The following CCDC191 variants were observed in gnomAD, a reference collection of about 807,000 sequenced individuals.
CCDC191 encodes coiled-coil domain-containing protein 191.
Under a neutral mutation model 114.0 loss-of-function variants are expected in CCDC191, and 99 were observed. The ratio of observed to expected loss-of-function variants is 0.87; its 90% CI spans 0.74 to 1.03. The LOEUF (loss-of-function observed/expected upper bound fraction) is 1.03, where lower values mean the gene tolerates loss of function less well. Ranked by LOEUF, CCDC191 falls within the 50% of genes least tolerant of loss-of-function variation. The pLI, the probability that CCDC191 is intolerant of heterozygous loss-of-function variation, is 0.00. For missense variants in CCDC191, 973 were observed against 1,087.0 expected (o/e 0.90, Z 1.47); for synonymous variants, 351 against 376.0 (o/e 0.93, Z 0.77).
In CCDC191 at chr3:114,042,397, T is replaced by C. The variant is rs193195243; in HGVS notation, c.415+306A>G. On this transcript the variant is annotated intron_variant, in intron 4 of 16. Coordinates refer to ENST00000295878, the MANE Select transcript of CCDC191 (RefSeq NM_020817.2). ...AGATGATTTAAAGTATGCGAGAGGA[T>C]ACGCACAAGACTAGAACATCTGAGG... Among the ~76,000 whole-genome samples the C allele has an allele frequency of 2.5e-3, 374 of 152,334 alleles. 3 individuals carry two copies. Among genetic ancestry groups the C allele is most frequent in the African/African-American group, 8.1e-3 (335 of 41,586 alleles).
chr3:114,055,058 C>T (rs988279065), intron 1 of CCDC191, among the ~76,000 whole-genome samples: 3 of 151,914 alleles, frequency 2.0e-5, no homozygotes, highest in Admixed American at 6.6e-5. Context: ...AACTAGCATA[C>T]TGACACATGG....
chr3:114,002,582 AAT>A, intron 11 of CCDC191, 44 bp from the exon 12 acceptor site: 1 of 1,463,808 alleles, frequency 6.8e-7, no homozygotes, highest in Non-Finnish European at 9.3e-7. Context: ...ATATTGAAAA[AAT>A]ATGAGGAATA....
At position 114,010,808 on chromosome 3, in the gene CCDC191, T is replaced by C. The variant is rs372716725; in HGVS notation, c.1377A>G (p.Ala459=). The change falls in exon 9 of 17, where the codon GCA becomes GCG. Residue 459 remains alanine, a synonymous_variant. Transcript: ENST00000295878. ...GLSGISLPEE[A]TAMVGPPVKN... ...TTACTGGTGGACCCACCATGGCTGT[T>C]GCCTCCTCAGGTAGACTGATGCCTG... is the stretch of plus-strand genomic sequence containing the variant. 2.2e-5 allele frequency: 36 copies of C among 1,613,692 alleles called. No homozygotes were observed. Among genetic ancestry groups the C allele is most frequent in the Non-Finnish European group, 2.5e-5 (30 of 1,179,746 alleles).
chr3:113,977,197 T>A (rs1390125661), intron 16 of CCDC191, among the ~76,000 whole-genome samples: 1 of 152,204 alleles, frequency 6.6e-6, no homozygotes. Flanking sequence ...CTTGGCGGGC[T>A]GAGGCATGAG....
rs754423929 is a variant in CCDC191 at position 114,010,829 on chromosome 3, G to A, written c.1356C>T (p.Gly452=). Residue 452 remains glycine, a synonymous_variant, in exon 9 of 17, where the codon GGC becomes GGT. Coordinates refer to ENST00000295878, the MANE Select transcript of CCDC191 (RefSeq NM_020817.2). The part of the protein sequence containing the change: ...LGKLSANGLS[G]ISLPEEATAM... ...CTGTTGCCTCCTCAGGTAGACTGAT[G>A]CCTGATAACCCATTGGCACTGAGTT... 1.1e-5 allele frequency: 18 copies of A among 1,613,830 alleles called. No homozygotes were observed. Among genetic ancestry groups the A allele is most frequent in the Non-Finnish European group, 1.5e-5 (18 of 1,179,800 alleles).
chr3:113,975,230 A>C (rs1941219918), intron 16 of CCDC191, among the ~76,000 whole-genome samples: 1 of 152,206 alleles, frequency 6.6e-6, no homozygotes. Flanking sequence ...ATTATCCGGA[A>C]GTGATACAGA....
rs577190432 is a variant in CCDC191, at chr3:114,002,617, T to C, written c.1979-79A>G. On this transcript the variant is annotated intron_variant, in intron 11 of 16. Coordinates refer to ENST00000295878, the MANE Select transcript of CCDC191 (RefSeq NM_020817.2). Reference sequence around the variant, plus strand: ...ATACTGCAAGAGAAATGTCTCCATTTCATAGTAAAATTTAGTGTTATTATT... The same window carrying C: ...ATACTGCAAGAGAAATGTCTCCATTCCATAGTAAAATTTAGTGTTATTATT... 228 of 1,341,170 alleles carry C rather than the reference T, an allele frequency of 1.7e-4. 2 individuals carry two copies. The South Asian group carries it at 1.9e-3, about 11-fold the overall frequency. 83.1% of individuals were successfully genotyped at this position (1,341,170 alleles called of 1,614,324 possible). A position where few individuals can be genotyped will look rare whatever the true frequency, so the allele number is the denominator to read the frequency against.
rs77914597 is a variant in CCDC191, at chr3:113,975,442, G to A, written c.2606+2744C>T. ...ATGTTAAAGCCCCTTTTAAAGACTG[G>A]TGACCTTAAATATTAGTGTCATTCC... On this transcript the variant is annotated intron_variant, in intron 16 of 16. Coordinates refer to ENST00000295878, the MANE Select transcript of CCDC191 (RefSeq NM_020817.2). Among the ~76,000 whole-genome samples, 722 of 152,142 alleles carry A rather than the reference G, an allele frequency of 4.7e-3. 7 individuals carry two copies. Among genetic ancestry groups the A allele is most frequent in the African/African-American group, 0.017 (687 of 41,468 alleles).
chr3:114,017,740 G>A (rs912829358), intron 8 of CCDC191, among the ~76,000 whole-genome samples: 47 of 152,128 alleles, frequency 3.1e-4, no homozygotes, highest in African/African-American at 1.1e-3. Flanking sequence ...GTTGAGGGGT[G>A]GAGGATGAGG....
At chr3:113,986,090 T>G (rs2075345566) in intron 13 of CCDC191, among the ~76,000 whole-genome samples, 2 of 152,130 alleles carry the variant, frequency 1.3e-5, no homozygotes, top group Admixed American at 1.3e-4. Flanking sequence ...TAGACATCAT[T>G]CCAGATCAGA....
rs1472210603 is a variant in CCDC191, at chr3:113,978,925, T to C, written c.2393A>G (p.Lys798Arg). 21 of 1,614,102 alleles carry C rather than the reference T, an allele frequency of 1.3e-5. No homozygotes were observed. Among genetic ancestry groups the C allele is most frequent in the South Asian group, 2.2e-5 (2 of 91,084 alleles). ...ATAAAATTGATCAGCCTGGGCCATC[T>C]TTCTAGCCAGACTTTCCTGACTACG... Reference protein sequence around the residue: ...FQRSQESLARKMAQADQFYSQ... With the variant: ...FQRSQESLARRMAQADQFYSQ... The change falls in exon 15 of 17, where the codon AAG (lysine) becomes AGG (arginine). Residue 798 changes from lysine to arginine, a missense_variant. Lys to Arg is a conservative substitution (Grantham distance 26). Coordinates refer to ENST00000295878, the MANE Select transcript of CCDC191 (RefSeq NM_020817.2).
chr3:114,055,131 ATAAC>A (rs1237121358), intron 1 of CCDC191, among the ~76,000 whole-genome samples: 3 of 152,212 alleles, frequency 2.0e-5, no homozygotes, highest in Non-Finnish European at 2.9e-5. Flanking sequence ...CATCTTACTG[ATAAC>A]TAACGCAGCT....
chr3:113,992,000 G>A (rs528633010), intron 13 of CCDC191, among the ~76,000 whole-genome samples: 1 of 152,040 alleles, frequency 6.6e-6, no homozygotes, highest in Admixed American at 6.6e-5. Flanking sequence ...AGAAATCAAA[G>A]ATATAAATAG....
intron 11 of CCDC191, 30 bp from the exon 12 acceptor site, chr3:114,002,568 T>C (rs2075875601): frequency 3.3e-6 from 5 of 1,534,706 alleles, no homozygotes; most frequent in Non-Finnish European, 4.4e-6. Context: ...TTCTAATATT[T>C]TTTATATTGA....
intron 2 of CCDC191, chr3:114,047,113 T>C (rs2076641240): frequency 2.0e-6 from 2 of 983,264 alleles, no homozygotes; most frequent in Non-Finnish European, 1.2e-6. Flanking sequence ...CATATGAATA[T>C]GAACCAGAGG....
intron 6 of CCDC191, among the ~76,000 whole-genome samples, chr3:114,032,935 G>A (rs77613577): frequency 0.11 from 17,176 of 151,996 alleles, 1,180 homozygotes; most frequent in Admixed American, 0.19. Context: ...TATATTACAT[G>A]GTTATAGACA....
At chr3:113,987,167 A>G (rs1272300640) in intron 13 of CCDC191, among the ~76,000 whole-genome samples, 1 of 150,932 alleles carries the variant, frequency 6.6e-6, no homozygotes, top group Non-Finnish European at 1.5e-5. Flanking sequence ...ACAATTCTAT[A>G]TCCGGCAAAA....
rs1247368284 is a variant in CCDC191 at position 113,964,340 on chromosome 3, AG to A, written c.*814del. 8 of 152,234 alleles carry A rather than the reference AG, an allele frequency of 5.3e-5. No homozygotes were observed. Among genetic ancestry groups the A allele is most frequent in the African/African-American group, 1.9e-4 (8 of 41,464 alleles). 9.4% of individuals were successfully genotyped at this position (152,234 alleles called of 1,614,324 possible). A position where few individuals can be genotyped will look rare whatever the true frequency, so the allele number is the denominator to read the frequency against. ...GTAATTCTCTAACACAATTCATAGA[AG>A]AGAGCATTTTATCAGTCTTTATAGC... On this transcript the variant is annotated 3_prime_UTR_variant, in exon 17 of 17. Transcript: ENST00000295878.
At chr3:113,983,232 T>C (rs1189713112) in intron 13 of CCDC191, among the ~76,000 whole-genome samples, 4 of 152,198 alleles carry the variant, frequency 2.6e-5, no homozygotes, top group African/African-American at 9.6e-5. Flanking sequence ...TCCTGTTCTC[T>C]TTCTACCTCA....
Sources: allele counts gnomAD v4.1 joint callset (sites outside exome capture counted in the v4.1 genomes callset), GRCh38; gene constraint gnomAD v4.1.1; transcripts MANE v1.5; gene names NCBI Gene and HGNC (gene_info 2026-07-23, HGNC 2026-07-21).